Variants in PLD5 observed in about 807,000 individuals in gnomAD.
The protein encoded by PLD5 is phospholipase D family member 5.
A neutral mutation model predicts 61.1 loss-of-function variants in PLD5; 36 were observed. The observed-to-expected ratio is 0.59, with a 90% CI of 0.45 to 0.78. PLD5 has a LOEUF of 0.78. PLD5 is among the 30% of genes least tolerant of loss of function. PLD5 has a pLI of 0.00. For missense variants in PLD5, 515 were observed against 644.4 expected (o/e 0.80, Z 2.17); for synonymous variants, 243 against 242.8 (o/e 1.00, Z -0.01).
intron 2 of PLD5, among the ~76,000 whole-genome samples, chr1:242,325,806 T>C (rs900380070): frequency 2.6e-5 from 4 of 152,174 alleles, no homozygotes; most frequent in East Asian, 1.9e-4. Flanking sequence ...TCAGAACTTA[T>C]GGGAAGCTCT....
rs1659358428 is a variant in PLD5 at position 242,084,223 on chromosome 1, A to G, written c.*5631T>C. 6.6e-6 allele frequency: 1 copy of G among 152,126 alleles called. No homozygotes were observed. The highest frequency in any genetic ancestry group is 1.5e-5 in the Non-Finnish European group (1 of 68,036). 9.4% of individuals were successfully genotyped at this position (152,126 alleles called of 1,614,324 possible). A position where few individuals can be genotyped will look rare whatever the true frequency, so the allele number is the denominator to read the frequency against. On this transcript the variant is annotated 3_prime_UTR_variant, in exon 10 of 10. Transcript: ENST00000536534. ...AAATTGTAGCATTCAGAAACTGCCA[A>G]TAAAATCAGAATACTATTGACTATT... is the stretch of plus-strand genomic sequence containing the variant.
rs1669381563 is a variant in PLD5 at position 242,524,421 on chromosome 1, C to G, written c.-145G>C. 9 of 731,128 alleles carry G rather than the reference C, an allele frequency of 1.2e-5. No individual in the cohort carries two copies. The highest frequency in any genetic ancestry group is 3.7e-5 in the African/African-American group (2 of 53,446). The allele number at this position is 731,128 out of a possible 1,614,324, so 45.3% of individuals were successfully genotyped here. A position where few individuals can be genotyped will look rare whatever the true frequency, so the allele number is the denominator to read the frequency against. On this transcript the variant is annotated 5_prime_UTR_variant, in exon 1 of 10. Transcript: ENST00000536534. ...TGGAGGAGCTGGAGGAGCGAGCGGG[C>G]GCGGGGAGCGCGGGGTGCTGAGCGC... is the stretch of plus-strand genomic sequence containing the variant.
chr1:242,357,105 AG>A (rs1660794064), intron 1 of PLD5, among the ~76,000 whole-genome samples: 1 of 152,132 alleles, frequency 6.6e-6, no homozygotes, highest in African/African-American at 2.4e-5. Flanking sequence ...TTCCTGTAAG[AG>A]AGACCTAATA....
At chr1:242,343,691 G>A (rs532368116) in intron 2 of PLD5, among the ~76,000 whole-genome samples, 5 of 151,740 alleles carry the variant, frequency 3.3e-5, no homozygotes, top group East Asian at 3.9e-4. Flanking sequence ...TGGACCAATG[G>A]CTGAGGCTGC....
chr1:242,196,743 T>C (rs1668658303), intron 5 of PLD5, among the ~76,000 whole-genome samples: 1 of 152,120 alleles, frequency 6.6e-6, no homozygotes, highest in African/African-American at 2.4e-5. Flanking sequence ...AGAATAGAAA[T>C]AGGAAGCCCT....
intron 4 of PLD5, among the ~76,000 whole-genome samples, chr1:242,241,891 A>ATG (rs1672044305): frequency 2.8e-5 from 1 of 35,424 alleles, no homozygotes; most frequent in Non-Finnish European, 6.3e-5. Context: ...ATATATATAT[A>ATG]TATATATATA....
chr1:242,249,499 A>C (rs181826890), intron 4 of PLD5, among the ~76,000 whole-genome samples: 6 of 152,256 alleles, frequency 3.9e-5, no homozygotes, highest in African/African-American at 1.4e-4. Context: ...ATCATCTTTC[A>C]AAGAAAGTTA....
intron 1 of PLD5, among the ~76,000 whole-genome samples, chr1:242,522,800 G>A (rs1420282377): frequency 1.3e-5 from 2 of 152,112 alleles, no homozygotes; most frequent in Admixed American, 1.3e-4. Flanking sequence ...AACCTTCAGC[G>A]ACTTCCATAG....
At chr1:242,215,762 C>T (rs1670148582) in intron 5 of PLD5, among the ~76,000 whole-genome samples, 1 of 152,178 alleles carries the variant, frequency 6.6e-6, no homozygotes, top group Non-Finnish European at 1.5e-5. Flanking sequence ...AACACAGGCC[C>T]TGGACAGAAT....
At chr1:242,419,515 C>T (rs1208955509) in intron 1 of PLD5, among the ~76,000 whole-genome samples, 1 of 150,722 alleles carries the variant, frequency 6.6e-6, no homozygotes, top group Non-Finnish European at 1.5e-5. Flanking sequence ...CCTGCCTCAG[C>T]CTCCTGAGTA....
chr1:242,521,303 GA>G (rs1383610374), intron 1 of PLD5, among the ~76,000 whole-genome samples: 1 of 152,128 alleles, frequency 6.6e-6, no homozygotes, highest in African/African-American at 2.4e-5. Flanking sequence ...TCCAACCTGA[GA>G]ATTGGCCCAG....
At chr1:242,318,658 AAT>A (rs1491467693) in intron 2 of PLD5, among the ~76,000 whole-genome samples, 2 of 143,278 alleles carry the variant, frequency 1.4e-5, no homozygotes, top group African/African-American at 5.3e-5. Context: ...TTGATTTTTT[AAT>A]TTTTTTTTTT....
chr1:242,480,914 C>T (rs1246646085), intron 1 of PLD5, among the ~76,000 whole-genome samples: 2 of 151,922 alleles, frequency 1.3e-5, no homozygotes, highest in African/African-American at 2.4e-5. Context: ...AGTGTAAAAT[C>T]GTACAACCAA....
intron 2 of PLD5, among the ~76,000 whole-genome samples, chr1:242,330,363 C>T (rs1659094758): frequency 6.6e-6 from 1 of 152,162 alleles, no homozygotes; most frequent in Admixed American, 6.6e-5. Flanking sequence ...TCTGTGACAA[C>T]ATTGAGCCTT....
intron 5 of PLD5, among the ~76,000 whole-genome samples, chr1:242,175,000 C>A (rs564547902): frequency 6.6e-6 from 1 of 152,030 alleles, no homozygotes; most frequent in Admixed American, 6.6e-5. Context: ...ATGTAACAAA[C>A]CTGCACGTTG....
chr1:242,522,759 C>T (rs1669319473), intron 1 of PLD5, among the ~76,000 whole-genome samples: 1 of 152,170 alleles, frequency 6.6e-6, no homozygotes, highest in Non-Finnish European at 1.5e-5. Flanking sequence ...TTAATGGATA[C>T]GTTGCCTTTC....
chr1:242,442,636 T>C (rs1041169860), intron 1 of PLD5, among the ~76,000 whole-genome samples: 4 of 152,150 alleles, frequency 2.6e-5, no homozygotes, highest in African/African-American at 9.7e-5. Flanking sequence ...GAGCTGTACA[T>C]CTATGATTTG....
intron 5 of PLD5, among the ~76,000 whole-genome samples, chr1:242,142,754 C>A (rs1664267595): frequency 1.3e-5 from 2 of 151,350 alleles, no homozygotes; most frequent in Non-Finnish European, 2.9e-5. Flanking sequence ...CTGTCTCTAT[C>A]TCTCTGTCTC....
At chr1:242,294,232 T>C (rs530599719) in intron 2 of PLD5, among the ~76,000 whole-genome samples, 1 of 152,326 alleles carries the variant, frequency 6.6e-6, no homozygotes, top group African/African-American at 2.4e-5. Flanking sequence ...TAGTTTAAGG[T>C]AAACTGTGAG....
Sources: gnomAD v4.1 joint callset for allele counts (sites outside exome capture counted in the v4.1 genomes callset) on GRCh38, gnomAD v4.1.1 for gene constraint, MANE v1.5 for transcripts, NCBI Gene and HGNC (gene_info 2026-07-23, HGNC 2026-07-21) for gene names.